ZNF609: variants seen among roughly 807,000 people sequenced by gnomAD.
The protein encoded by ZNF609 is zinc finger protein 609.
In ZNF609, 11 loss-of-function variants were observed where a neutral mutation model predicts 109.5. The ratio of observed to expected loss-of-function variants is 0.10; its 90% CI spans 0.06 to 0.17. The LOEUF is 0.17. Among genes scored for constraint, ZNF609 ranks in the 10% least tolerant of loss-of-function variants. The pLI, the probability that ZNF609 is intolerant of heterozygous loss-of-function variation, is 1.00. For synonymous variants in ZNF609, 646 were observed against 662.0 expected (o/e 0.98, Z 0.37); for missense variants, 1,559 against 1,772.4 (o/e 0.88, Z 2.16).
intron 1 of ZNF609, among the ~76,000 whole-genome samples, chr15:64,483,834 G>A (rs1331921800): frequency 6.6e-6 from 1 of 152,180 alleles, no homozygotes; most frequent in East Asian, 1.9e-4. Flanking sequence ...ATCACACCTG[G>A]CTATTTCAGC....
intron 4 of ZNF609, among the ~76,000 whole-genome samples, chr15:64,672,220 G>A (rs1228929067): frequency 1.3e-5 from 2 of 149,606 alleles, no homozygotes; most frequent in Admixed American, 1.3e-4. Context: ...CACCGTTTTA[G>A]CCAGGATGGT....
At chr15:64,560,412 T>C (rs1894657831) in intron 2 of ZNF609, among the ~76,000 whole-genome samples, 1 of 152,022 alleles carries the variant, frequency 6.6e-6, no homozygotes, top group Non-Finnish European at 1.5e-5. Context: ...TTCTACTAGA[T>C]GTTATTCCAT....
At chr15:64,506,477 T>C (rs1387715121) in intron 2 of ZNF609, among the ~76,000 whole-genome samples, 1 of 148,446 alleles carries the variant, frequency 6.7e-6, no homozygotes, top group African/African-American at 2.5e-5. Flanking sequence ...TCCCAGCACT[T>C]TGGGAGGCCA....
At chr15:64,607,895 C>CTT (rs71133457) in intron 2 of ZNF609, among the ~76,000 whole-genome samples, 811 of 12,216 alleles carry the variant, frequency 0.066, 83 homozygotes, top group African/African-American at 0.085. Context: ...TCTTTTCTTT[C>CTT]TTTTTTTTTT....
intron 3 of ZNF609, among the ~76,000 whole-genome samples, chr15:64,650,931 A>G (rs1002337228): frequency 2.6e-5 from 4 of 152,194 alleles, no homozygotes; most frequent in Non-Finnish European, 5.9e-5. Flanking sequence ...AAGTAATATA[A>G]AATTATAAAA....
At chr15:64,490,682 C>T (rs879303654) in intron 1 of ZNF609, among the ~76,000 whole-genome samples, 8 of 152,140 alleles carry the variant, frequency 5.3e-5, no homozygotes, top group Non-Finnish European at 1.2e-4. Flanking sequence ...ATCACTTTCA[C>T]CAAATGAATC....
intron 2 of ZNF609, among the ~76,000 whole-genome samples, chr15:64,510,022 G>C (rs1893697442): frequency 6.6e-6 from 1 of 152,088 alleles, no homozygotes; most frequent in Non-Finnish European, 1.5e-5. Flanking sequence ...GAAAATTCCA[G>C]AGATAAATAA....
At chr15:64,560,390 G>T (rs1894657575) in intron 2 of ZNF609, among the ~76,000 whole-genome samples, 1 of 151,224 alleles carries the variant, frequency 6.6e-6, no homozygotes, top group Non-Finnish European at 1.5e-5. Flanking sequence ...CCCCGCAGAA[G>T]ATCCTTTGGT....
At chr15:64,543,411 A>C (rs1461393479) in intron 2 of ZNF609, among the ~76,000 whole-genome samples, 1 of 150,636 alleles carries the variant, frequency 6.6e-6, no homozygotes, top group Non-Finnish European at 1.5e-5. Context: ...TTCTCTGCTT[A>C]AAACACCTTT....
chr15:64,661,261 C>T (rs923849125), intron 3 of ZNF609, among the ~76,000 whole-genome samples: 11 of 152,218 alleles, frequency 7.2e-5, no homozygotes, highest in South Asian at 2.1e-4. Flanking sequence ...CACGACTGGC[C>T]GCGTATCACT....
chr15:64,510,205 C>CT (rs11413947), intron 2 of ZNF609, among the ~76,000 whole-genome samples: 102,117 of 137,972 alleles, frequency 0.74, 40,279 homozygotes, highest in East Asian at 0.9. Flanking sequence ...ATTTTTTTTT[C>CT]TTTTTTTTTT....
At chr15:64,620,438 G>T (rs1392041445) in intron 2 of ZNF609, among the ~76,000 whole-genome samples, 1 of 152,076 alleles carries the variant, frequency 6.6e-6, no homozygotes, top group African/African-American at 2.4e-5. Context: ...TTTCTGTGTT[G>T]TTTTTTACCT....
At chr15:64,564,713 A>G (rs1894746134) in intron 2 of ZNF609, among the ~76,000 whole-genome samples, 1 of 151,912 alleles carries the variant, frequency 6.6e-6, no homozygotes, top group Non-Finnish European at 1.5e-5. Context: ...GCTTCAGTCT[A>G]TGGTCTGGGT....
rs142853071 is a variant in ZNF609, at chr15:64,666,656, C to T, written c.974-3690C>T. 9.3e-3 allele frequency among the ~76,000 whole-genome samples: 1,415 copies of T among 151,768 alleles called. 21 individuals carry two copies. Among genetic ancestry groups the T allele is most frequent in the African/African-American group, 0.032 (1,316 of 41,500 alleles). On this transcript the variant is annotated intron_variant, in intron 3 of 9. Coordinates refer to ENST00000326648, the MANE Select transcript of ZNF609 (RefSeq NM_015042.2). ...CCTCCTGAGTAGCTGGGACTACAGG[C>T]GCCCACCACCACGCCCAGCTAATTT...
At chr15:64,611,838 A>G (rs1000453711) in intron 2 of ZNF609, among the ~76,000 whole-genome samples, 2 of 151,260 alleles carry the variant, frequency 1.3e-5, no homozygotes, top group African/African-American at 2.4e-5. Flanking sequence ...GGTTCAAGCA[A>G]TTCTCTGCCT....
chr15:64,625,806 G>A (rs981497531), intron 3 of ZNF609, among the ~76,000 whole-genome samples: 6 of 146,936 alleles, frequency 4.1e-5, no homozygotes, highest in East Asian at 2.0e-4. Context: ...GGAGAATGGC[G>A]TGAACCCAGG....
chr15:64,630,834 A>G (rs140989429), intron 3 of ZNF609, among the ~76,000 whole-genome samples: 1 of 152,246 alleles, frequency 6.6e-6, no homozygotes, highest in African/African-American at 2.4e-5. Flanking sequence ...TTCTTCCATG[A>G]TGATTTAGAG....
Position 64,572,595 on chromosome 15 carries a change from G to A in ZNF609, c.748-50232G>A, listed in dbSNP as rs193249915. ...CCCTTAGCCCATGGGACTTTTTCCAGTAAATTAGAAAAGAATGCCAGGCAC... is the reference window on the plus strand; with the variant it reads ...CCCTTAGCCCATGGGACTTTTTCCAATAAATTAGAAAAGAATGCCAGGCAC... On this transcript the variant is annotated intron_variant, in intron 2 of 9. Coordinates refer to ENST00000326648, the MANE Select transcript of ZNF609 (RefSeq NM_015042.2). Among the ~76,000 whole-genome samples, 555 of 152,212 alleles carry A rather than the reference G, an allele frequency of 3.6e-3. 2 individuals carry two copies. Among genetic ancestry groups the A allele is most frequent in the Non-Finnish European group, 5.8e-3 (393 of 68,010 alleles).
At chr15:64,552,069 T>G (rs1056862548) in intron 2 of ZNF609, among the ~76,000 whole-genome samples, 2 of 152,160 alleles carry the variant, frequency 1.3e-5, no homozygotes, top group Non-Finnish European at 2.9e-5. Context: ...TCTTGATACG[T>G]TGTGCATGTA....
Sources: gnomAD v4.1 joint callset for allele counts (sites outside exome capture counted in the v4.1 genomes callset) on GRCh38, gnomAD v4.1.1 for gene constraint, MANE v1.5 for transcripts, NCBI Gene and HGNC (gene_info 2026-07-23, HGNC 2026-07-21) for gene names.